The following RP1L1 variants were observed in gnomAD, a reference collection of about 807,000 sequenced individuals.
RP1L1 encodes retinitis pigmentosa 1-like 1 protein.
RP1L1 carries 27 observed loss-of-function variants against 15.7 expected under a neutral mutation model. That is an observed-to-expected ratio of 1.72 (90% CI 1.27 to 2.38). The LOEUF is 2.38. Ranked by LOEUF, RP1L1 falls within the 30% of genes most tolerant of loss-of-function variation. The probability of loss-of-function intolerance (pLI) is 0.00; values close to 1 mark genes in which losing one functional copy is unlikely to be tolerated. For synonymous variants in RP1L1, 1,813 were observed against 1,276.7 expected (o/e 1.42, Z -8.96); for missense variants, 4,798 against 3,075.9 (o/e 1.56, Z -13.24).
chr8:10,647,975 C>T (rs897326485), intron 1 of RP1L1, among the ~76,000 whole-genome samples: 14 of 152,138 alleles, frequency 9.2e-5, no homozygotes, highest in African/African-American at 3.4e-4. Flanking sequence ...ACAAGGAATC[C>T]AGATTCTCCA....
intron 2 of RP1L1, among the ~76,000 whole-genome samples, chr8:10,618,721 A>G (rs570883370): frequency 3.3e-5 from 5 of 152,318 alleles, no homozygotes; most frequent in Middle Eastern, 3.4e-3. Flanking sequence ...TAATAAATTA[A>G]TAATAGTAAT....
At position 10,622,889 on chromosome 8, in the gene RP1L1, A is replaced by G. The variant is rs765222635; in HGVS notation, c.313T>C (p.Ser105Pro). The G allele has an allele frequency of 5.0e-6, 8 of 1,613,692 alleles. No individual in the cohort carries two copies. Among genetic ancestry groups the G allele is most frequent in the South Asian group, 2.2e-5 (2 of 91,064 alleles). Residue 105 changes from serine (S) to proline (P), a missense_variant, in exon 2 of 4, where the codon TCT (serine) becomes CCT (proline). By Grantham distance (74) the Ser-to-Pro change is moderately conservative. Transcript: ENST00000382483. ...QLEDGGCYLC[S>P]DKKPPKTPSG... ...GGGGTCTTGGGGGGCTTCTTATCAGAGCAGAGGTAGCAGCCTCCATCTTCC... is the reference window on the plus strand; with the variant it reads ...GGGGTCTTGGGGGGCTTCTTATCAGGGCAGAGGTAGCAGCCTCCATCTTCC...
At chr8:10,628,172 C>T (rs1236248783) in intron 1 of RP1L1, among the ~76,000 whole-genome samples, 1 of 152,188 alleles carries the variant, frequency 6.6e-6, no homozygotes, top group Non-Finnish European at 1.5e-5. Flanking sequence ...GTCTGTGCTT[C>T]CCTTGTCTGA....
At chr8:10,654,387 ACT>A (rs1410213994) in intron 1 of RP1L1, among the ~76,000 whole-genome samples, 2 of 150,712 alleles carry the variant, frequency 1.3e-5, no homozygotes, top group Non-Finnish European at 3.0e-5. Context: ...CTTCCTTACC[ACT>A]CTCTCTATTT....
chr8:10,620,448 A>G (rs924814211), intron 2 of RP1L1, among the ~76,000 whole-genome samples: 11 of 152,204 alleles, frequency 7.2e-5, no homozygotes, highest in Non-Finnish European at 1.5e-4. Context: ...TCTACTAAAA[A>G]TACAAAAATT....
intron 1 of RP1L1, among the ~76,000 whole-genome samples, chr8:10,648,092 C>T (rs563423459): frequency 6.6e-5 from 10 of 151,868 alleles, no homozygotes; most frequent in Admixed American, 3.9e-4. Context: ...AGTGCAGTGG[C>T]GCCATCTCGG....
Position 10,608,915 on chromosome 8 carries a change from C to T in RP1L1, c.5183G>A (p.Gly1728Glu). ...TSTRTVQGAE[G>E]GLGPGLSQGP... The stretch of plus-strand genomic sequence containing the variant: ...CTGGCTCAGCCCCGGCCCCAGCCCT[C>T]CCTCAGCTCCCTGGACAGTCCTAGT... Residue 1728 changes from glycine to glutamate, a missense_variant, in exon 4 of 4, where the codon GGA becomes GAA. Coordinates refer to ENST00000382483, the MANE Select transcript of RP1L1 (RefSeq NM_178857.6). 6.2e-7 allele frequency: 1 copy of T among 1,614,046 alleles called. No homozygotes were observed. The highest frequency in any genetic ancestry group is 8.5e-7 in the Non-Finnish European group (1 of 1,180,036).
chr8:10,622,665 G>C lies in RP1L1; in HGVS notation c.537C>G (p.Ala179=). 2.5e-6 allele frequency: 4 copies of C among 1,614,186 alleles called. 1 individual carries two copies. In the Middle Eastern group the frequency reaches 4.9e-4, roughly 200 times the overall value. ...GATCTGAGGCTTTGCCGAGAAAGGC[G>C]GCCAGGTTCCTAGTATTCCTGTGAC... is the stretch of plus-strand genomic sequence containing the variant. ...VLSHRNTRNL[A]AFLGKASDLL... The change falls in exon 2 of 4, where the codon GCC becomes GCG. Residue 179 remains alanine (A), a synonymous_variant. Transcript: ENST00000382483.
At chr8:10,634,162 C>A (rs1798295638) in intron 1 of RP1L1, among the ~76,000 whole-genome samples, 1 of 152,202 alleles carries the variant, frequency 6.6e-6, no homozygotes, top group African/African-American at 2.4e-5. Flanking sequence ...TCAGGCCACA[C>A]AGCACCTGCC....
In RP1L1 at chr8:10,610,106, A is replaced by T. The variant is rs1797809588; in HGVS notation, c.3992T>A (p.Leu1331Gln). The T allele has an allele frequency of 7.5e-6, 11 of 1,474,530 alleles. 2 individuals are homozygous for T. The highest frequency in any genetic ancestry group is 6.1e-5 in the East Asian group (2 of 32,620). 91.3% of individuals were successfully genotyped at this position (1,474,530 alleles called of 1,614,324 possible). The change falls in exon 4 of 4, where the codon CTG (leucine) becomes CAG (glutamine). Residue 1331 changes from leucine to glutamine, a missense_variant. By Grantham distance (113) the Leu-to-Gln change is moderately radical. Transcript: ENST00000382483. ...QLEETKTEEG[L>Q]QEEGVQLEET... ...CTCTAACTGCACCCCCTCTTCTTGC[A>T]GCCCTTCTTCTGTTTTAGTTTCCTC...
chr8:10,627,627 ATT>A (rs1349327040), intron 1 of RP1L1, among the ~76,000 whole-genome samples: 44 of 145,886 alleles, frequency 3.0e-4, no homozygotes, highest in African/African-American at 1.1e-3. Flanking sequence ...TCTGGTGTGT[ATT>A]TTATCACAAT....
chr8:10,649,180 C>T lies in RP1L1; in HGVS notation c.-20+5718G>A, dbSNP rs998951542. Among the ~76,000 whole-genome samples, 7 of 152,336 alleles carry T rather than the reference C, an allele frequency of 4.6e-5. No individual in the cohort carries two copies. The South Asian group carries it at 1.2e-3, about 27-fold the overall frequency. ...AGGAGGAAGCGTGAGATTCAAACAACCCACAGACACAACTTTCTTCCAGCA... is the reference window on the plus strand; with the variant it reads ...AGGAGGAAGCGTGAGATTCAAACAATCCACAGACACAACTTTCTTCCAGCA... On this transcript the variant is annotated intron_variant, in intron 1 of 3. Transcript: ENST00000382483.
Position 10,613,167 on chromosome 8 carries a change from T to C in RP1L1, c.931A>G (p.Lys311Glu). 1 of 1,613,770 alleles carries C rather than the reference T, an allele frequency of 6.2e-7. No individual in the cohort carries two copies. Among genetic ancestry groups the C allele is most frequent in the Non-Finnish European group, 8.5e-7 (1 of 1,180,010 alleles). Reference sequence around the variant, plus strand: ...CCGTCCTCATTCATGCGGACCTTCTTCTTCATGTCATCGCCAGCCACCAGC... The same window carrying C: ...CCGTCCTCATTCATGCGGACCTTCTCCTTCATGTCATCGCCAGCCACCAGC... Reference protein sequence around the residue: ...GPLVAGDDMKKKVRMNEDGSL... With the variant: ...GPLVAGDDMKEKVRMNEDGSL... The change falls in exon 4 of 4, where the codon AAG (lysine) becomes GAG (glutamate). Residue 311 changes from lysine to glutamate, a missense_variant. Coordinates refer to ENST00000382483, the MANE Select transcript of RP1L1 (RefSeq NM_178857.6).
At position 10,628,274 on chromosome 8, in the gene RP1L1, A is replaced by G. The variant is rs894179609; in HGVS notation, c.-19-5054T>C. On this transcript the variant is annotated intron_variant, in intron 1 of 3. Coordinates refer to ENST00000382483, the MANE Select transcript of RP1L1 (RefSeq NM_178857.6). Reference sequence around the variant, plus strand: ...GCACATGAGGCTGTGCTGTCCCTCAATCTGAGAGACCTCTTGAGAAATTAC... The same window carrying G: ...GCACATGAGGCTGTGCTGTCCCTCAGTCTGAGAGACCTCTTGAGAAATTAC... Among the ~76,000 whole-genome samples the G allele has an allele frequency of 3.3e-5, 5 of 152,210 alleles. No individual in the cohort carries two copies. The East Asian group carries it at 7.7e-4, about 23-fold the overall frequency.
chr8:10,640,383 G>C (rs1798389168), intron 1 of RP1L1, among the ~76,000 whole-genome samples: 1 of 152,158 alleles, frequency 6.6e-6, no homozygotes, highest in Admixed American at 6.5e-5. Flanking sequence ...TTTGTGGCTA[G>C]GCGTGATGGC....
At chr8:10,647,490 C>G (rs1463521307) in intron 1 of RP1L1, among the ~76,000 whole-genome samples, 2 of 152,172 alleles carry the variant, frequency 1.3e-5, no homozygotes, top group African/African-American at 4.8e-5. Flanking sequence ...ACACTCCATC[C>G]TCATTTCTCC....
Position 10,623,026 on chromosome 8 carries a change from T to G in RP1L1, c.176A>C (p.Lys59Thr). The G allele has an allele frequency of 6.2e-7, 1 of 1,614,114 alleles. No individual in the cohort carries two copies. Among genetic ancestry groups the G allele is most frequent in the Non-Finnish European group, 8.5e-7 (1 of 1,180,016 alleles). The change falls in exon 2 of 4, where the codon AAG becomes ACG. Residue 59 changes from lysine (K) to threonine (T), a missense_variant. Coordinates refer to ENST00000382483, the MANE Select transcript of RP1L1 (RefSeq NM_178857.6). ...CTCGTCCATGAGGGCGCTGAAGGTC[T>G]TAAAGGCGCGCTGGTGAACGGCCAG... ...VRLAVHQRAFKTFSALMDELS... is the reference protein window; with the variant it reads ...VRLAVHQRAFTTFSALMDELS...
intron 3 of RP1L1, among the ~76,000 whole-genome samples, chr8:10,615,088 C>G (rs1395875951): frequency 1.3e-5 from 2 of 152,178 alleles, no homozygotes; most frequent in Non-Finnish European, 2.9e-5. Context: ...CCAAATGAGA[C>G]TGGACACTCC....
At position 10,632,904 on chromosome 8, in the gene RP1L1, C is replaced by T. The variant is rs570153953; in HGVS notation, c.-19-9684G>A. ...TAAGGATGCCCAGCCCATCCTTCAG[C>T]GCCATCCATGTCCACTCTCCTCTCC... is the stretch of plus-strand genomic sequence containing the variant. On this transcript the variant is annotated intron_variant, in intron 1 of 3. Coordinates refer to ENST00000382483, the MANE Select transcript of RP1L1 (RefSeq NM_178857.6). 3.3e-5 allele frequency among the ~76,000 whole-genome samples: 5 copies of T among 152,276 alleles called. No homozygotes were observed. The South Asian group carries it at 6.2e-4, about 19-fold the overall frequency.
Sources: gnomAD v4.1 joint callset for allele counts (sites outside exome capture counted in the v4.1 genomes callset) on GRCh38, gnomAD v4.1.1 for gene constraint, MANE v1.5 for transcripts, NCBI Gene and HGNC (gene_info 2026-07-23, HGNC 2026-07-21) for gene names.